Variants in KIF21A observed in about 807,000 individuals in gnomAD.
KIF21A encodes the protein kinesin-like protein KIF21A.
KIF21A carries 114 observed loss-of-function variants against 202.9 expected under a neutral mutation model. That is an observed-to-expected ratio of 0.56 (90% CI 0.48 to 0.66). KIF21A has a LOEUF of 0.66. Among genes scored for constraint, KIF21A ranks in the 30% least tolerant of loss-of-function variants. The probability of loss-of-function intolerance (pLI) is 0.00; values close to 1 mark genes in which losing one functional copy is unlikely to be tolerated. For synonymous variants in KIF21A, 667 were observed against 670.8 expected (o/e 0.99, Z 0.09); for missense variants, 1,677 against 1,994.9 (o/e 0.84, Z 3.04).
chr12:39,302,439 A>C (rs1432287457), intron 36 of KIF21A, among the ~76,000 whole-genome samples: 1 of 152,208 alleles, frequency 6.6e-6, no homozygotes, highest in African/African-American at 2.4e-5. Context: ...TCATCTGTTA[A>C]CTAATTTCTT....
chr12:39,326,446 A>G (rs541358533), intron 24 of KIF21A, 122 bp from the exon 25 acceptor site: 7 of 720,100 alleles, frequency 9.7e-6, no homozygotes, highest in African/African-American at 1.7e-5. Flanking sequence ...TGGTTTTAGT[A>G]GCTGAATCTA....
intron 34 of KIF21A, among the ~76,000 whole-genome samples, chr12:39,305,540 A>G (rs1407418945): frequency 6.6e-6 from 1 of 152,104 alleles, no homozygotes; most frequent in Admixed American, 6.6e-5. Context: ...GTGCATCACC[A>G]GCTTTTTTCA....
chr12:39,332,154 C>A, intron 21 of KIF21A, 60 bp downstream of exon 21: 1 of 1,477,098 alleles, frequency 6.8e-7, no homozygotes, highest in Non-Finnish European at 9.4e-7. Context: ...GTGCTTTGAA[C>A]AATAAACAAT....
intron 1 of KIF21A, among the ~76,000 whole-genome samples, chr12:39,435,161 G>T (rs546466609): frequency 6.6e-6 from 1 of 152,166 alleles, no homozygotes; most frequent in South Asian, 2.1e-4. Flanking sequence ...ATTTTTCTTG[G>T]TTCTTTCCTC....
chr12:39,403,357 T>C (rs970693118), intron 1 of KIF21A, among the ~76,000 whole-genome samples: 1 of 152,246 alleles, frequency 6.6e-6, no homozygotes, highest in Non-Finnish European at 1.5e-5. Flanking sequence ...AAGTTTTTAA[T>C]TAGAAAAAGT....
At position 39,407,521 on chromosome 12, in the gene KIF21A, G is replaced by A. The variant is rs111722915; in HGVS notation, c.44+35406C>T. 2.6e-3 allele frequency among the ~76,000 whole-genome samples: 399 copies of A among 152,174 alleles called. 3 individuals carry two copies. Among genetic ancestry groups the A allele is most frequent in the African/African-American group, 8.8e-3 (365 of 41,510 alleles). On this transcript the variant is annotated intron_variant, in intron 1 of 37. Coordinates refer to ENST00000361418, the MANE Select transcript of KIF21A (RefSeq NM_001173464.2). ...CAATAGTCTATTCTCAATCTTCAAT[G>A]AGTAATATATCAAACCCTTACTATG...
chr12:39,341,806 T>C (rs567866752), intron 13 of KIF21A, among the ~76,000 whole-genome samples, 184 bp from the exon 14 acceptor site: 64 of 152,296 alleles, frequency 4.2e-4, no homozygotes, highest in South Asian at 1.4e-3. Context: ...TCATCTCTCA[T>C]AGTATTCTAC....
At chr12:39,310,192 T>C (rs1012165033) in intron 32 of KIF21A, among the ~76,000 whole-genome samples, 1 of 152,112 alleles carries the variant, frequency 6.6e-6, no homozygotes, top group Non-Finnish European at 1.5e-5. Context: ...GGGTCAATGA[T>C]TGATAAATTA....
chr12:39,301,399 C>T (rs1373909683), intron 37 of KIF21A, 81 bp downstream of exon 37: 15 of 1,065,504 alleles, frequency 1.4e-5, no homozygotes, highest in Admixed American at 6.9e-5. Flanking sequence ...GTATATTCAA[C>T]GTTTCTAGAT....
intron 1 of KIF21A, among the ~76,000 whole-genome samples, chr12:39,397,497 T>G (rs1951844595): frequency 6.6e-6 from 1 of 152,014 alleles, no homozygotes; most frequent in East Asian, 1.9e-4. Flanking sequence ...CTTACCACCC[T>G]CTAATATATT....
intron 1 of KIF21A, among the ~76,000 whole-genome samples, chr12:39,422,072 C>T (rs1325178710): frequency 1.3e-5 from 2 of 151,478 alleles, no homozygotes; most frequent in Non-Finnish European, 2.9e-5. Flanking sequence ...GATTCTCCCA[C>T]CTCAGCCTCC....
Position 39,302,989 on chromosome 12 carries a change from G to A in KIF21A, c.4707C>T (p.Asp1569=). ...GSRDNGIKKW[D]LTQKDLLQQV... is the part of the protein sequence containing the mutation. ...CCTGAAGAAGGTCTTTTTGAGTTAA[G>A]TCCCATTTCTTGATTCCATTATCTC... The change falls in exon 36 of 38, where the codon GAC becomes GAT. Residue 1569 remains aspartate, a synonymous_variant. Coordinates refer to ENST00000361418, the MANE Select transcript of KIF21A (RefSeq NM_001173464.2). 6.2e-7 allele frequency: 1 copy of A among 1,613,936 alleles called. No homozygotes were observed. Among genetic ancestry groups the A allele is most frequent in the Non-Finnish European group, 8.5e-7 (1 of 1,179,860 alleles).
intron 7 of KIF21A, among the ~76,000 whole-genome samples, chr12:39,361,297 G>A (rs1434082568): frequency 6.6e-6 from 1 of 152,020 alleles, no homozygotes; most frequent in Non-Finnish European, 1.5e-5. Context: ...ATTTACACTT[G>A]GCTGAAAAAA....
At chr12:39,342,673 T>C (rs1393285458) in intron 12 of KIF21A, among the ~76,000 whole-genome samples, 2 of 152,156 alleles carry the variant, frequency 1.3e-5, no homozygotes, top group Admixed American at 1.3e-4. Flanking sequence ...GGCTCTTTTT[T>C]CTTAGGCTGC....
At chr12:39,324,794 T>C (rs1318822860) in intron 26 of KIF21A, among the ~76,000 whole-genome samples, 1 of 152,200 alleles carries the variant, frequency 6.6e-6, no homozygotes, top group Non-Finnish European at 1.5e-5. Flanking sequence ...AATTAGTCAT[T>C]TGCATTACCT....
intron 24 of KIF21A, among the ~76,000 whole-genome samples, chr12:39,328,320 C>T (rs991690778): frequency 6.6e-6 from 1 of 152,164 alleles, no homozygotes; most frequent in African/African-American, 2.4e-5. Context: ...CTTTCCTGGA[C>T]ATAAACATTG....
In KIF21A at chr12:39,443,113, G is replaced by T; in HGVS notation, c.-143C>A. 1 of 802,240 alleles carries T rather than the reference G, an allele frequency of 1.2e-6. No homozygotes were observed. Among genetic ancestry groups the T allele is most frequent in the Non-Finnish European group, 1.8e-6 (1 of 557,824 alleles). The allele number at this position is 802,240 out of a possible 1,614,324, so 49.7% of individuals were successfully genotyped here. A position where few individuals can be genotyped will look rare whatever the true frequency, so the allele number is the denominator to read the frequency against. On this transcript the variant is annotated 5_prime_UTR_variant, in exon 1 of 38. Transcript: ENST00000361418. ...ACCTCCGCCGCGCTCCAGCCATGTT[G>T]GGCGACTGAATGGAAAGGTGGCGGC...
Position 39,337,164 on chromosome 12 carries a change from C to T in KIF21A, c.2350G>A (p.Ala784Thr). 1 of 1,612,670 alleles carries T rather than the reference C, an allele frequency of 6.2e-7. No individual in the cohort carries two copies. Among genetic ancestry groups the T allele is most frequent in the Non-Finnish European group, 8.5e-7 (1 of 1,179,490 alleles). The change falls in exon 17 of 38, where the codon GCC becomes ACC. Residue 784 changes from alanine to threonine, a missense_variant. By Grantham distance (58) the Ala-to-Thr change is moderately conservative. This residue lies in a region of KIF21A where 966 missense variants were observed against 1,180.9 expected (regional missense o/e 0.82). Transcript: ENST00000361418. The stretch of plus-strand genomic sequence containing the variant: ...TTTCTTCTAGACTCAGTCAGTCTGG[C>T]TTTCTCTTGTTCTTCTTTCATTTGT... ...MKQMKEEQEK[A>T]RLTESRRNRE...
chr12:39,332,734 G>C lies in KIF21A; in HGVS notation c.2713C>G (p.Gln905Glu). The C allele has an allele frequency of 6.2e-7, 1 of 1,613,966 alleles. No homozygotes were observed. Among genetic ancestry groups the C allele is most frequent in the Non-Finnish European group, 8.5e-7 (1 of 1,179,958 alleles). Reference protein sequence around the residue: ...PATNGNRKKYQRKGLTGRVFI... With the variant: ...PATNGNRKKYERKGLTGRVFI... Reference sequence around the variant, plus strand: ...ACTCGGCCAGTCAATCCTTTCCTCTGATATTTTTTCCTATAATCATATAAA... The same window carrying C: ...ACTCGGCCAGTCAATCCTTTCCTCTCATATTTTTTCCTATAATCATATAAA... The change falls in exon 20 of 38, where the codon CAG (glutamine) becomes GAG (glutamate). Residue 905 changes from glutamine to glutamate, a missense_variant. Physicochemically the swap from Gln to Glu is conservative, Grantham distance 29 (BLOSUM62 2). Around this residue, in one of 3 missense-constraint regions of KIF21A, gnomAD observed 966 missense variants for 1,180.9 expected, o/e 0.82. Transcript: ENST00000361418.
Sources: allele counts gnomAD v4.1 joint callset (sites outside exome capture counted in the v4.1 genomes callset), GRCh38; gene constraint gnomAD v4.1.1; regional missense constraint gnomAD v4.1.1; transcripts MANE v1.5; gene names NCBI Gene and HGNC (gene_info 2026-07-23, HGNC 2026-07-21).